Variants in MYRFL observed in about 807,000 individuals in gnomAD.
The protein encoded by MYRFL is myelin regulatory factor like, also known as myelin regulatory factor-like protein.
In MYRFL, 88 loss-of-function variants were observed where a neutral mutation model predicts 109.4. The observed-to-expected ratio is 0.80, with a 90% CI of 0.68 to 0.96. The LOEUF (loss-of-function observed/expected upper bound fraction) is 0.96. Among genes scored for constraint, MYRFL ranks in the 40% least tolerant of loss-of-function variants. The pLI is 0.00. For missense variants in MYRFL, 957 were observed against 954.9 expected, an observed-to-expected ratio of 1.00 and a Z score of -0.03; for synonymous variants, 324 against 320.9, an observed-to-expected ratio of 1.01 and a Z score of -0.10.
At chr12:69,935,291 G>T (rs1259408322) in intron 16 of MYRFL, among the ~76,000 whole-genome samples, 2 of 152,098 alleles carry the variant, frequency 1.3e-5, no homozygotes, top group African/African-American at 4.8e-5. Flanking sequence ...AGTCAAACTG[G>T]CAAGAAGTCA....
intron 19 of MYRFL, among the ~76,000 whole-genome samples, chr12:69,944,911 A>G (rs1955784871): frequency 6.6e-6 from 1 of 152,148 alleles, no homozygotes; most frequent in Admixed American, 6.5e-5. Context: ...AAGTTACACT[A>G]ATATGACCTT....
intron 2 of MYRFL, among the ~76,000 whole-genome samples, chr12:69,874,394 T>C (rs1256971242): frequency 6.6e-6 from 1 of 152,202 alleles, no homozygotes; most frequent in African/African-American, 2.4e-5. Context: ...TCCAGGCTAG[T>C]CTTAAGCTCC....
intron 13 of MYRFL, among the ~76,000 whole-genome samples, chr12:69,920,577 C>G (rs1162585575): frequency 6.6e-6 from 1 of 151,720 alleles, no homozygotes; most frequent in Non-Finnish European, 1.5e-5. Context: ...GGTGAGCCCA[C>G]TCTCTAGGTA....
intron 16 of MYRFL, among the ~76,000 whole-genome samples, chr12:69,934,171 A>T (rs1304021321): frequency 1.3e-5 from 2 of 152,204 alleles, no homozygotes; most frequent in East Asian, 1.9e-4. Context: ...GACTTTTCTC[A>T]GCCTTTTCGC....
intron 3 of MYRFL, 45 bp downstream of exon 3, chr12:69,879,140 C>A (rs768227047): frequency 1.6e-6 from 1 of 630,712 alleles, no homozygotes. Flanking sequence ...GTTGCTCTTC[C>A]TCCTCGACTC....
chr12:69,857,205 C>G (rs1366074040), intron 2 of MYRFL, among the ~76,000 whole-genome samples: 1 of 151,896 alleles, frequency 6.6e-6, no homozygotes, highest in East Asian at 1.9e-4. Context: ...CTAGACTCTT[C>G]ATTCCTTTCC....
intron 1 of MYRFL, among the ~76,000 whole-genome samples, chr12:69,847,319 T>C (rs2136319149): frequency 6.6e-6 from 1 of 152,344 alleles, no homozygotes; most frequent in Middle Eastern, 3.4e-3. Flanking sequence ...TTATGCCACC[T>C]CTTTACTAAG....
Position 69,897,202 on chromosome 12 carries a change from T to A in MYRFL, c.1138T>A (p.Phe380Ile). 6.5e-7 allele frequency: 1 copy of A among 1,535,852 alleles called. No individual in the cohort carries two copies. The highest frequency in any genetic ancestry group is 8.7e-7 in the Non-Finnish European group (1 of 1,146,682). Residue 380 changes from phenylalanine to isoleucine, a missense_variant, in exon 10 of 25, where the codon TTC becomes ATC. Physicochemically the swap from Phe to Ile is conservative, Grantham distance 21 (BLOSUM62 0). Coordinates refer to ENST00000552032, the MANE Select transcript of MYRFL (RefSeq NM_182530.3). ...VGLYAANQDQ[F>I]YLLSAHISER... ...ACTGTATGCTGCTAACCAAGACCAG[T>A]TCTATCTGTTGTCTGCCCACATCTC... is the stretch of plus-strand genomic sequence containing the variant.
Position 69,936,301 on chromosome 12 carries a change from G to A in MYRFL, c.2010G>A (p.Gln670=). The change falls in exon 18 of 25, where the codon CAG becomes CAA. Residue 670 remains glutamine (Q), a synonymous_variant. Transcript: ENST00000552032. ...NLPPSNITSS[Q]EPALLPTASS... The stretch of plus-strand genomic sequence containing the variant: ...TCTCCAGCAATATCACAAGCTCACA[G>A]GAGCCAGCTCTGCTGCCCACAGCCT... The A allele has an allele frequency of 2.0e-6, 3 of 1,536,124 alleles. No homozygotes were observed. Among genetic ancestry groups the A allele is most frequent in the Non-Finnish European group, 2.6e-6 (3 of 1,146,914 alleles).
chr12:69,829,413 G>C (rs867305861), intron 1 of MYRFL, among the ~76,000 whole-genome samples: 1 of 152,098 alleles, frequency 6.6e-6, no homozygotes, highest in African/African-American at 2.4e-5. Flanking sequence ...CTTTGGAGCA[G>C]ACAAGCAGTG....
At chr12:69,918,371 G>T (rs76084695) in intron 13 of MYRFL, among the ~76,000 whole-genome samples, 6,903 of 152,264 alleles carry the variant, frequency 0.045, 192 homozygotes, top group South Asian at 0.12. Flanking sequence ...AAAAGAATGT[G>T]TGAGGGCTGA....
At chr12:69,873,424 AT>A (rs1358140238) in intron 2 of MYRFL, among the ~76,000 whole-genome samples, 1 of 152,186 alleles carries the variant, frequency 6.6e-6, no homozygotes, top group Non-Finnish European at 1.5e-5. Context: ...TATGTCAAGA[AT>A]TTTCAAATGT....
intron 5 of MYRFL, among the ~76,000 whole-genome samples, chr12:69,884,899 T>A (rs1297215904): frequency 1.3e-5 from 2 of 152,184 alleles, no homozygotes; most frequent in East Asian, 1.9e-4. Context: ...ATGAAAAAAC[T>A]GAAGCTCAGA....
chr12:69,882,739 C>A (rs1218992171), intron 5 of MYRFL, among the ~76,000 whole-genome samples: 2 of 152,036 alleles, frequency 1.3e-5, no homozygotes, highest in Non-Finnish European at 2.9e-5. Flanking sequence ...TGGTCTGAAC[C>A]CCAAATGAAA....
rs1450105188 is a variant in MYRFL, at chr12:69,932,603, G to GAA, written c.1916+9_1916+10dup. The stretch of plus-strand genomic sequence containing the variant: ...GATTGCTGTGATGGCATTTTGGTAA[G>GAA]AAAAAGTTCACTGTTATGCCATGTC... On this transcript the variant is annotated splice_donor_region_variant and intron_variant, in intron 16 of 24. Coordinates refer to ENST00000552032, the MANE Select transcript of MYRFL (RefSeq NM_182530.3). 6.5e-7 allele frequency: 1 copy of GAA among 1,533,460 alleles called. No homozygotes were observed. Among genetic ancestry groups the GAA allele is most frequent in the South Asian group, 1.2e-5 (1 of 84,000 alleles). The allele number at this position is 1,533,460 out of a possible 1,614,324, so 95.0% of individuals were successfully genotyped here. A position where few individuals can be genotyped will look rare whatever the true frequency, so the allele number is the denominator to read the frequency against.
At chr12:69,902,187 C>T (rs58538664) in intron 10 of MYRFL, among the ~76,000 whole-genome samples, 6,783 of 152,270 alleles carry the variant, frequency 0.045, 561 homozygotes, top group African/African-American at 0.15. Context: ...AGCCACCACA[C>T]ACCTGGCCTC....
At chr12:69,890,110 A>C (rs978685734) in intron 6 of MYRFL, among the ~76,000 whole-genome samples, 1 of 152,224 alleles carries the variant, frequency 6.6e-6, no homozygotes, top group Non-Finnish European at 1.5e-5. Context: ...CAGGTTTCCA[A>C]TCGATTGTAT....
At chr12:69,873,006 A>T (rs1885444564) in intron 2 of MYRFL, among the ~76,000 whole-genome samples, 1 of 152,198 alleles carries the variant, frequency 6.6e-6, no homozygotes, top group Non-Finnish European at 1.5e-5. Context: ...AGACCTCCTT[A>T]TTCATGGAGG....
rs1882203731 is a variant in MYRFL at position 69,825,241 on chromosome 12, TC to T, written c.-275del. 1 of 599,312 alleles carries T rather than the reference TC, an allele frequency of 1.7e-6. No individual in the cohort carries two copies. Among genetic ancestry groups the T allele is most frequent in the Non-Finnish European group, 3.0e-6 (1 of 333,778 alleles). 37.1% of individuals were successfully genotyped at this position (599,312 alleles called of 1,614,324 possible). A position where few individuals can be genotyped will look rare whatever the true frequency, so the allele number is the denominator to read the frequency against. On this transcript the variant is annotated 5_prime_UTR_variant, in exon 1 of 25. Transcript: ENST00000552032. ...AGACGAAAAGCAGAGTAGAAACAGT[TC>T]CTTATATTAAGACAGATGAATTTGC...
Sources: allele counts gnomAD v4.1 joint callset (sites outside exome capture counted in the v4.1 genomes callset), GRCh38; gene constraint gnomAD v4.1.1; transcripts MANE v1.5; gene names NCBI Gene and HGNC (gene_info 2026-07-23, HGNC 2026-07-21).